Variants in PTPRM observed in about 807,000 individuals in gnomAD.
PTPRM encodes the protein protein tyrosine phosphatase receptor type M.
PTPRM carries 47 observed loss-of-function variants against 186.7 expected under a neutral mutation model. That is an observed-to-expected ratio of 0.25 (90% CI 0.20 to 0.32). PTPRM has a LOEUF of 0.32. Ranked by LOEUF, PTPRM falls within the 10% of genes least tolerant of loss-of-function variation. The pLI, the probability that PTPRM is intolerant of heterozygous loss-of-function variation, is 1.00. For synonymous variants in PTPRM, 668 were observed against 674.9 expected (o/e 0.99, Z 0.16); for missense variants, 1,494 against 1,865.0 (o/e 0.80, Z 3.66).
intron 1 of PTPRM, among the ~76,000 whole-genome samples, chr18:7,693,221 C>CG (rs1228916206): frequency 6.6e-6 from 1 of 152,078 alleles, no homozygotes; most frequent in Non-Finnish European, 1.5e-5. Context: ...CAAAGATTAA[C>CG]GGGTGACATT....
At chr18:7,784,758 G>A (rs997863290) in intron 2 of PTPRM, among the ~76,000 whole-genome samples, 2 of 152,204 alleles carry the variant, frequency 1.3e-5, no homozygotes, top group Non-Finnish European at 2.9e-5. Flanking sequence ...TGCTTTTTGA[G>A]CACTGCTGTG....
At chr18:8,287,283 T>A (rs2094967588) in intron 19 of PTPRM, among the ~76,000 whole-genome samples, 1 of 152,204 alleles carries the variant, frequency 6.6e-6, no homozygotes, top group Non-Finnish European at 1.5e-5. Flanking sequence ...CAGGTTTTCA[T>A]ATTAGAATGA....
intron 19 of PTPRM, among the ~76,000 whole-genome samples, chr18:8,265,009 A>G (rs1212813048): frequency 6.6e-6 from 1 of 152,176 alleles, no homozygotes; most frequent in Non-Finnish European, 1.5e-5. Flanking sequence ...AAACTCCATG[A>G]AGACACAGAC....
intron 14 of PTPRM, among the ~76,000 whole-genome samples, chr18:8,144,775 G>A (rs956942772): frequency 1.3e-5 from 2 of 152,186 alleles, no homozygotes; most frequent in Admixed American, 6.5e-5. Context: ...TTCGATTTAT[G>A]TAAAAATCAA....
intron 7 of PTPRM, among the ~76,000 whole-genome samples, chr18:8,045,452 C>T (rs940313499): frequency 5.9e-5 from 9 of 152,154 alleles, no homozygotes; most frequent in African/African-American, 1.7e-4. Flanking sequence ...AACAAAACGT[C>T]GTATGTCTAC....
chr18:8,198,530 C>G (rs544319893), intron 14 of PTPRM, among the ~76,000 whole-genome samples: 1 of 152,142 alleles, frequency 6.6e-6, no homozygotes, highest in Non-Finnish European at 1.5e-5. Flanking sequence ...GCCATACCTC[C>G]GTATTTCTAA....
At chr18:7,795,876 A>G (rs1376157832) in intron 2 of PTPRM, among the ~76,000 whole-genome samples, 1 of 146,820 alleles carries the variant, frequency 6.8e-6, no homozygotes, top group Non-Finnish European at 1.5e-5. Flanking sequence ...ATTCAGTGGC[A>G]AGATTATAGC....
intron 2 of PTPRM, among the ~76,000 whole-genome samples, chr18:7,786,890 A>G (rs2043121430): frequency 6.6e-6 from 1 of 152,258 alleles, no homozygotes; most frequent in South Asian, 2.1e-4. Flanking sequence ...TTTTTAGCAG[A>G]TGGGTCATTG....
At chr18:7,868,694 G>T (rs7239002) in intron 2 of PTPRM, among the ~76,000 whole-genome samples, 7,766 of 152,316 alleles carry the variant, frequency 0.051, 262 homozygotes, top group Middle Eastern at 0.19. Context: ...CACTTGAAGA[G>T]GTAGTCTGTC....
chr18:7,631,044 G>A (rs1163535862), intron 1 of PTPRM, among the ~76,000 whole-genome samples: 1 of 152,062 alleles, frequency 6.6e-6, no homozygotes, highest in Non-Finnish European at 1.5e-5. Flanking sequence ...GGGGACTACC[G>A]GCCAGAAACA....
chr18:7,583,290 A>G (rs2036893816), intron 1 of PTPRM, among the ~76,000 whole-genome samples: 1 of 152,172 alleles, frequency 6.6e-6, no homozygotes, highest in African/African-American at 2.4e-5. Flanking sequence ...TCATTTATAT[A>G]CTTCTCCAAT....
chr18:7,922,332 G>A (rs769328558), intron 4 of PTPRM, among the ~76,000 whole-genome samples: 2 of 152,194 alleles, frequency 1.3e-5, no homozygotes, highest in Non-Finnish European at 2.9e-5. Flanking sequence ...TGCTGGGGTG[G>A]CAGTCCTGCT....
At chr18:7,873,286 T>C in intron 2 of PTPRM, among the ~76,000 whole-genome samples, 1 of 152,202 alleles carries the variant, frequency 6.6e-6, no homozygotes, top group East Asian at 1.9e-4. Flanking sequence ...AATGCACTTT[T>C]TTTTGTTCTC....
chr18:7,802,335 A>G (rs928243240), intron 2 of PTPRM, among the ~76,000 whole-genome samples: 1 of 152,026 alleles, frequency 6.6e-6, no homozygotes, highest in Non-Finnish European at 1.5e-5. Context: ...TATTTATTTC[A>G]CCCAGTAAAT....
chr18:7,618,178 T>C (rs1038488088), intron 1 of PTPRM, among the ~76,000 whole-genome samples: 17 of 152,184 alleles, frequency 1.1e-4, no homozygotes, highest in African/African-American at 4.1e-4. Flanking sequence ...CAAAAAACTT[T>C]TCTGGAAGTG....
chr18:7,654,050 G>T (rs899007932), intron 1 of PTPRM, among the ~76,000 whole-genome samples: 3 of 152,012 alleles, frequency 2.0e-5, no homozygotes, highest in Admixed American at 6.6e-5. Context: ...GTTTTGATTT[G>T]CATTTCTCTA....
chr18:7,831,217 A>T (rs1293741403), intron 2 of PTPRM, among the ~76,000 whole-genome samples: 1 of 152,174 alleles, frequency 6.6e-6, no homozygotes, highest in Non-Finnish European at 1.5e-5. Flanking sequence ...AAATATTGCC[A>T]AAGATTATTT....
chr18:7,984,177 T>G (rs1474642957), intron 7 of PTPRM, among the ~76,000 whole-genome samples: 1 of 152,134 alleles, frequency 6.6e-6, no homozygotes, highest in African/African-American at 2.4e-5. Context: ...TCAGCCACCA[T>G]AGTCACCAAA....
At chr18:8,379,426 A>C in intron 28 of PTPRM, 86 bp downstream of exon 28, 1 of 1,318,586 alleles carries the variant, frequency 7.6e-7, no homozygotes, top group South Asian at 1.8e-5. Context: ...CATTCTGCTC[A>C]CCAGCCCTTT....
Sources: allele counts gnomAD v4.1 joint callset (sites outside exome capture counted in the v4.1 genomes callset), GRCh38; gene constraint gnomAD v4.1.1; transcripts MANE v1.5; gene names NCBI Gene and HGNC (gene_info 2026-07-23, HGNC 2026-07-21).